Variants in PAK5 observed in about 807,000 individuals in gnomAD.
PAK5 encodes p21 (RAC1) activated kinase 5, also known as serine/threonine-protein kinase PAK 5.
A neutral mutation model predicts 65.9 loss-of-function variants in PAK5; 16 were observed. That is an observed-to-expected ratio of 0.24 (90% CI 0.16 to 0.37). The LOEUF (loss-of-function observed/expected upper bound fraction) is 0.37, where lower values mean the gene tolerates loss of function less well. Ranked by LOEUF, PAK5 falls within the 10% of genes least tolerant of loss-of-function variation. The probability of loss-of-function intolerance (pLI) is 1.00; values close to 1 mark genes in which losing one functional copy is unlikely to be tolerated. For synonymous variants in PAK5, 371 were observed against 354.9 expected (o/e 1.05, Z -0.51); for missense variants, 785 against 903.9 (o/e 0.87, Z 1.69).
At chr20:9,749,540 G>A (rs1260082885) in intron 1 of PAK5, among the ~76,000 whole-genome samples, 1 of 152,140 alleles carries the variant, frequency 6.6e-6, no homozygotes, top group African/African-American at 2.4e-5. Flanking sequence ...ATAAATGAGG[G>A]TTCTGAAATA....
At chr20:9,740,643 T>A (rs1329095732) in intron 1 of PAK5, among the ~76,000 whole-genome samples, 1 of 152,220 alleles carries the variant, frequency 6.6e-6, no homozygotes, top group Non-Finnish European at 1.5e-5. Flanking sequence ...GTACCTTGGC[T>A]AGCCTGCTGG....
chr20:9,748,480 C>A, intron 1 of PAK5, among the ~76,000 whole-genome samples: 1 of 152,012 alleles, frequency 6.6e-6, no homozygotes, highest in Non-Finnish European at 1.5e-5. Context: ...GTACTAGTAC[C>A]AAAACAGAGA....
At position 9,562,935 on chromosome 20, in the gene PAK5, C is replaced by T. The variant is rs529855749; in HGVS notation, c.1572G>A (p.Glu524=). 11 of 1,613,842 alleles carry T rather than the reference C, an allele frequency of 6.8e-6. No homozygotes were observed. The highest frequency in any genetic ancestry group is 6.7e-5 in the African/African-American group (5 of 75,034). ...CTGTCAAGGCACCACCTTCTAGAAA[C>T]TCCATGACCACCCAGAGCTCATCGC... is the stretch of plus-strand genomic sequence containing the variant. ...LVGDELWVVM[E]FLEGGALTDI... is the part of the protein sequence containing the mutation. The change falls in exon 6 of 10, where the codon GAG becomes GAA. Residue 524 remains glutamate (E), a synonymous_variant. Coordinates refer to ENST00000353224, the MANE Select transcript of PAK5 (RefSeq NM_177990.4).
chr20:9,657,154 C>T (rs984858749), intron 2 of PAK5, among the ~76,000 whole-genome samples: 2 of 152,170 alleles, frequency 1.3e-5, no homozygotes, highest in Non-Finnish European at 2.9e-5. Context: ...TCACTACCCC[C>T]ACAATTGCTA....
At chr20:9,747,948 G>C (rs1311620039) in intron 1 of PAK5, among the ~76,000 whole-genome samples, 5 of 152,122 alleles carry the variant, frequency 3.3e-5, no homozygotes, top group African/African-American at 1.2e-4. Context: ...CATCGTCTCA[G>C]CCCAAAATCT....
chr20:9,756,610 C>T (rs542582627), intron 1 of PAK5, among the ~76,000 whole-genome samples: 108 of 152,176 alleles, frequency 7.1e-4, no homozygotes, highest in African/African-American at 2.4e-3. Flanking sequence ...ACACTTTTTA[C>T]GTTATCTACA....
intron 1 of PAK5, among the ~76,000 whole-genome samples, chr20:9,757,618 G>A (rs2123637019): frequency 6.6e-6 from 1 of 152,242 alleles, no homozygotes; most frequent in African/African-American, 2.4e-5. Context: ...TTTCAGCATG[G>A]ACTTGAATCC....
intron 3 of PAK5, among the ~76,000 whole-genome samples, chr20:9,606,104 G>C (rs796683570): frequency 3.3e-5 from 5 of 152,282 alleles, no homozygotes; most frequent in African/African-American, 1.2e-4. Flanking sequence ...GGCCCGGTGG[G>C]AGGTGACTGG....
At chr20:9,800,504 A>G (rs113730660) in intron 1 of PAK5, among the ~76,000 whole-genome samples, 2,543 of 152,232 alleles carry the variant, frequency 0.017, 74 homozygotes, top group African/African-American at 0.058. Context: ...TTTAGTTCTC[A>G]ATATTCTTAC....
In PAK5 at chr20:9,537,953, G is replaced by T. The variant is rs745554678; in HGVS notation, c.*1509C>A. 1.6e-4 allele frequency: 38 copies of T among 230,680 alleles called. No homozygotes were observed. Among genetic ancestry groups the T allele is most frequent in the African/African-American group, 8.4e-4 (38 of 45,124 alleles). The allele number at this position is 230,680 out of a possible 1,614,324, so 14.3% of individuals were successfully genotyped here. On this transcript the variant is annotated 3_prime_UTR_variant, in exon 10 of 10. Coordinates refer to ENST00000353224, the MANE Select transcript of PAK5 (RefSeq NM_177990.4). ...TAATTATGCTTAGAGCAACCAGAGC[G>T]CTATCACAAATTTAAATTCATATTT...
chr20:9,799,985 A>ATATCTG (rs2049151057), intron 1 of PAK5, among the ~76,000 whole-genome samples: 1 of 151,498 alleles, frequency 6.6e-6, no homozygotes, highest in Admixed American at 6.6e-5. Flanking sequence ...AGAAAAAGAA[A>ATATCTG]TATCTGTATA....
intron 2 of PAK5, among the ~76,000 whole-genome samples, chr20:9,689,631 G>A (rs1177111301): frequency 2.0e-5 from 3 of 152,166 alleles, no homozygotes; most frequent in Non-Finnish European, 1.5e-5. Flanking sequence ...AATTGGCTTG[G>A]AGGAAGCTAT....
At chr20:9,618,915 GTTTTTTTTTTTTTTT>G (rs150725498) in intron 3 of PAK5, among the ~76,000 whole-genome samples, 2,132 of 18,854 alleles carry the variant, frequency 0.11, 40 homozygotes, top group South Asian at 0.18. Flanking sequence ...TCTTTCTTTC[GTTTTTTTTTTTTTTT>G]TTTTTTTTTT....
chr20:9,700,164 C>T (rs961045059), intron 2 of PAK5, among the ~76,000 whole-genome samples: 10 of 152,130 alleles, frequency 6.6e-5, no homozygotes, highest in Admixed American at 5.2e-4. Flanking sequence ...GTAATCCTAG[C>T]ACTTTGGGAG....
rs1569079268 is a variant in PAK5 at position 9,766,444 on chromosome 20, A to ACT, written c.-161-55010_-161-55009insAG. Among the ~76,000 whole-genome samples, 19 of 26,990 alleles carry ACT rather than the reference A, an allele frequency of 7.0e-4. 3 individuals carry two copies. The highest frequency in any genetic ancestry group is 3.2e-3 in the African/African-American group (14 of 4,406). 17.7% of individuals were successfully genotyped at this position (26,990 alleles called of 152,430 possible). ...ATATATATATTCAAGCAGAATATAT[A>ACT]TGTATATATATATTCAAGCAGAATA... On this transcript the variant is annotated intron_variant, in intron 1 of 9. Coordinates refer to ENST00000353224, the MANE Select transcript of PAK5 (RefSeq NM_177990.4).
At chr20:9,624,391 T>TTGAATACCTAAAAAAGGTATGGATATGG (rs2046813571) in intron 3 of PAK5, among the ~76,000 whole-genome samples, 1 of 152,046 alleles carries the variant, frequency 6.6e-6, no homozygotes, top group African/African-American at 2.4e-5. Flanking sequence ...AAATTGAATG[T>TTGAATACCTAAAAAAGGTATGGATATGG]TGAATACCTA....
At chr20:9,592,019 G>A (rs1051526611) in intron 3 of PAK5, among the ~76,000 whole-genome samples, 3 of 152,188 alleles carry the variant, frequency 2.0e-5, no homozygotes, top group Non-Finnish European at 4.4e-5. Context: ...GAAATTGACT[G>A]TTCTTAGATG....
At position 9,677,045 on chromosome 20, in the gene PAK5, ATGTGTGTGTGTGTGTGTGTGTG is replaced by A. The variant is rs4053117; in HGVS notation, c.-11-32728_-11-32707del. Among the ~76,000 whole-genome samples the A allele has an allele frequency of 5.7e-5, 8 of 141,230 alleles. No individual in the cohort carries two copies. The South Asian group carries it at 1.7e-3, about 30-fold the overall frequency. 92.7% of individuals were successfully genotyped at this position (141,230 alleles called of 152,430 possible). A position where few individuals can be genotyped will look rare whatever the true frequency, so the allele number is the denominator to read the frequency against. ...GGGAAATCAAAATCAGGGTATGTGC[ATGTGTGTGTGTGTGTGTGTGTG>A]TGTGTGTGTGTGTGTGTGTGTTTGT... On this transcript the variant is annotated intron_variant, in intron 2 of 9. Coordinates refer to ENST00000353224, the MANE Select transcript of PAK5 (RefSeq NM_177990.4).
intron 1 of PAK5, among the ~76,000 whole-genome samples, chr20:9,806,463 C>T (rs2049234218): frequency 6.6e-6 from 1 of 152,188 alleles, no homozygotes; most frequent in Non-Finnish European, 1.5e-5. Flanking sequence ...TTTGAGAACC[C>T]TCCCAGAACC....
Sources: gnomAD v4.1 joint callset for allele counts (sites outside exome capture counted in the v4.1 genomes callset) on GRCh38, gnomAD v4.1.1 for gene constraint, MANE v1.5 for transcripts, NCBI Gene and HGNC (gene_info 2026-07-23, HGNC 2026-07-21) for gene names.